Variants in SACM1L observed in about 807,000 individuals in gnomAD.
The protein encoded by SACM1L is phosphatidylinositol-3-phosphatase SAC1.
A neutral mutation model predicts 89.5 loss-of-function variants in SACM1L; 32 were observed. The ratio of observed to expected loss-of-function variants is 0.36; its 90% confidence interval spans 0.27 to 0.48. SACM1L has a LOEUF of 0.48. Among genes scored for constraint, SACM1L ranks in the 20% least tolerant of loss-of-function variants. SACM1L has a pLI of 0.99. For synonymous variants in SACM1L, 213 were observed against 232.8 expected (o/e 0.92, Z 0.77); for missense variants, 543 against 708.5 (o/e 0.77, Z 2.65).
Position 45,719,544 on chromosome 3 carries a change from T to A in SACM1L, c.622T>A (p.Trp208Arg). Residue 208 changes from tryptophan to arginine, a missense_variant, in exon 8 of 20, where the codon TGG (tryptophan) becomes AGG (arginine). Coordinates refer to ENST00000389061, the MANE Select transcript of SACM1L (RefSeq NM_014016.5). ...SCSINGKYFD[W>R]ILISRRSCFR... ...TTCTATTAATGGAAAATACTTTGAT[T>A]GGATTCTCATCTCGAGGAGGAGCTG... 6.2e-7 allele frequency: 1 copy of A among 1,612,506 alleles called. No homozygotes were observed. Among genetic ancestry groups the A allele is most frequent in the Non-Finnish European group, 8.5e-7 (1 of 1,179,214 alleles).
chr3:45,691,229 C>CT (rs549572278), intron 1 of SACM1L, among the ~76,000 whole-genome samples: 1 of 152,072 alleles, frequency 6.6e-6, no homozygotes, highest in African/African-American at 2.4e-5. Context: ...TCAGTCCTAG[C>CT]TTTTTTTCCC....
At chr3:45,728,888 G>C (rs1698985341) in intron 11 of SACM1L, among the ~76,000 whole-genome samples, 1 of 152,000 alleles carries the variant, frequency 6.6e-6, no homozygotes, top group Admixed American at 6.6e-5. Context: ...TGCCCAGGCT[G>C]GTCTTGAACT....
chr3:45,697,758 T>C (rs147012606), intron 1 of SACM1L, among the ~76,000 whole-genome samples: 3 of 152,342 alleles, frequency 2.0e-5, no homozygotes, highest in Non-Finnish European at 2.9e-5. Context: ...TCCCCTTGTC[T>C]TGACAGATAT....
rs117023558 is a variant in SACM1L, at chr3:45,699,257, A to G, written c.33-4181A>G. 1.3e-3 allele frequency among the ~76,000 whole-genome samples: 195 copies of G among 152,016 alleles called. 7 individuals carry two copies. The East Asian group carries it at 0.036, about 28-fold the overall frequency. On this transcript the variant is annotated intron_variant, in intron 1 of 19. Transcript: ENST00000389061. ...TGTAACTAACCTGCACAATGTGCAC[A>G]TGTACCCTAAAACTTAAAGTATAAT...
intron 2 of SACM1L, among the ~76,000 whole-genome samples, chr3:45,704,014 T>C (rs1314613754): frequency 2.6e-5 from 4 of 152,210 alleles, no homozygotes; most frequent in Non-Finnish European, 4.4e-5. Context: ...TAGGTGTTCT[T>C]AGGCAAATGA....
intron 7 of SACM1L, among the ~76,000 whole-genome samples, chr3:45,714,851 A>G (rs898831254): frequency 2.0e-5 from 3 of 152,188 alleles, no homozygotes; most frequent in Non-Finnish European, 2.9e-5. Context: ...TATAAGCACA[A>G]TATGCTCATG....
At chr3:45,692,885 C>T (rs1698029423) in intron 1 of SACM1L, among the ~76,000 whole-genome samples, 1 of 152,174 alleles carries the variant, frequency 6.6e-6, no homozygotes, top group Non-Finnish European at 1.5e-5. Context: ...CATTTTGTCA[C>T]TTAGAAATGA....
chr3:45,705,039 G>C (rs1316644565), intron 2 of SACM1L, 96 bp from the exon 3 acceptor site: 2 of 721,154 alleles, frequency 2.8e-6, no homozygotes, highest in Non-Finnish European at 4.8e-6. Flanking sequence ...CATGCAAATT[G>C]ATGTAGTCAA....
intron 19 of SACM1L, among the ~76,000 whole-genome samples, chr3:45,741,276 G>C (rs1699308548): frequency 6.6e-6 from 1 of 152,102 alleles, no homozygotes; most frequent in African/African-American, 2.4e-5. Flanking sequence ...CTTCTGTCTG[G>C]ATTTCCACAG....
chr3:45,727,447 A>G (rs1337798193), intron 11 of SACM1L, among the ~76,000 whole-genome samples: 1 of 152,152 alleles, frequency 6.6e-6, no homozygotes, highest in Non-Finnish European at 1.5e-5. Context: ...GTCTTAGAGA[A>G]TATTTCATGT....
intron 1 of SACM1L, among the ~76,000 whole-genome samples, chr3:45,697,403 A>C (rs527746017): frequency 2.7e-5 from 4 of 149,474 alleles, no homozygotes; most frequent in African/African-American, 9.9e-5. Context: ...CAGCCTCCTG[A>C]ATAGCTGAGG....
At chr3:45,709,357 G>A (rs1698470144) in intron 4 of SACM1L, 141 bp from the exon 5 acceptor site, 10 of 651,934 alleles carry the variant, frequency 1.5e-5, no homozygotes, top group African/African-American at 3.7e-5. Flanking sequence ...GGGAAATGGC[G>A]AGCATCCCCC....
rs1194982076 is a variant in SACM1L at position 45,713,117 on chromosome 3, A to C, written c.484-20A>C. 6.3e-7 allele frequency: 1 copy of C among 1,599,018 alleles called. No individual in the cohort carries two copies. Among genetic ancestry groups the C allele is most frequent in the Middle Eastern group, 1.7e-4 (1 of 6,026 alleles). On this transcript the variant is annotated intron_variant, in intron 5 of 19. Coordinates refer to ENST00000389061, the MANE Select transcript of SACM1L (RefSeq NM_014016.5). ...AAGCTTGGCAGGAGATATTTTATTA[A>C]ATTTTAAAACTTCTCTCAGGCAGAT...
chr3:45,731,336 G>A lies in SACM1L; in HGVS notation c.957G>A (p.Gln319=). 1 of 1,613,534 alleles carries A rather than the reference G, an allele frequency of 6.2e-7. No homozygotes were observed. Among genetic ancestry groups the A allele is most frequent in the Non-Finnish European group, 8.5e-7 (1 of 1,179,610 alleles). ...NQKGSEKPLE[Q]TFATMVSSLG... ...AGGGCTCGGAGAAGCCACTTGAGCA[G>A]ACATTTGCAACAATGGTGTCTTCCT... The change falls in exon 12 of 20, where the codon CAG becomes CAA. Residue 319 remains glutamine (Q), a synonymous_variant. Transcript: ENST00000389061.
intron 1 of SACM1L, 110 bp downstream of exon 1, chr3:45,689,607 T>A: frequency 7.8e-7 from 1 of 1,285,926 alleles, no homozygotes; most frequent in Non-Finnish European, 1.1e-6. Context: ...GTGTGGGAGC[T>A]CCTCGCATTT....
chr3:45,728,353 G>T (rs559966289), intron 11 of SACM1L, among the ~76,000 whole-genome samples: 1 of 152,058 alleles, frequency 6.6e-6, no homozygotes, highest in African/African-American at 2.4e-5. Flanking sequence ...ATAGCTTTTT[G>T]TTCCTCATTT....
chr3:45,722,542 G>A (rs1186427721), intron 9 of SACM1L, among the ~76,000 whole-genome samples: 2 of 152,076 alleles, frequency 1.3e-5, no homozygotes, highest in African/African-American at 2.4e-5. Flanking sequence ...AATGAATAAA[G>A]CAATTTTCTA....
chr3:45,735,617 T>G (rs553481039), intron 14 of SACM1L, among the ~76,000 whole-genome samples: 7 of 152,198 alleles, frequency 4.6e-5, no homozygotes, highest in Admixed American at 6.5e-5. Context: ...TGTATTGTTG[T>G]GCCGTAATTT....
At chr3:45,693,060 G>T (rs1698034324) in intron 1 of SACM1L, among the ~76,000 whole-genome samples, 1 of 152,172 alleles carries the variant, frequency 6.6e-6, no homozygotes, top group Non-Finnish European at 1.5e-5. Flanking sequence ...ATAGCCAGTT[G>T]TTCCTAGGCT....
Sources: allele counts gnomAD v4.1 joint callset (sites outside exome capture counted in the v4.1 genomes callset), GRCh38; gene constraint gnomAD v4.1.1; transcripts MANE v1.5; gene names NCBI Gene and HGNC (gene_info 2026-07-23, HGNC 2026-07-21).